The following INSYN2B variants were observed in gnomAD, a reference collection of about 807,000 sequenced individuals.
INSYN2B encodes the protein protein INSYN2B.
INSYN2B carries 16 observed loss-of-function variants against 41.2 expected under a neutral mutation model. The ratio of observed to expected loss-of-function variants is 0.39; its 90% confidence interval spans 0.26 to 0.59. The LOEUF (loss-of-function observed/expected upper bound fraction) is 0.59. INSYN2B is among the 20% of genes least tolerant of loss of function. The probability of loss-of-function intolerance (pLI) is 0.57; values close to 1 mark genes in which losing one functional copy is unlikely to be tolerated. For synonymous variants in INSYN2B, 245 were observed against 244.4 expected, an observed-to-expected ratio of 1.00 and a Z score of -0.02; for missense variants, 608 against 646.4, an observed-to-expected ratio of 0.94 and a Z score of 0.64.
chr5:169,934,439 T>A (rs921239108), intron 1 of INSYN2B, among the ~76,000 whole-genome samples: 1 of 152,274 alleles, frequency 6.6e-6, no homozygotes, highest in Non-Finnish European at 1.5e-5. Context: ...GGGCAGGGTG[T>A]CCCCAGTGCC....
At chr5:169,901,444 C>T (rs533338915) in intron 1 of INSYN2B, among the ~76,000 whole-genome samples, 3 of 151,906 alleles carry the variant, frequency 2.0e-5, no homozygotes, top group South Asian at 2.1e-4. Flanking sequence ...GGCATGCATG[C>T]GTGCATGTGT....
chr5:169,879,252 A>G (rs1772500565), intron 3 of INSYN2B, among the ~76,000 whole-genome samples: 1 of 152,198 alleles, frequency 6.6e-6, no homozygotes. Flanking sequence ...CATCGGGGAG[A>G]GAGATCACGG....
At chr5:169,952,594 A>G (rs1292269421) in intron 1 of INSYN2B, among the ~76,000 whole-genome samples, 1 of 152,152 alleles carries the variant, frequency 6.6e-6, no homozygotes, top group Non-Finnish European at 1.5e-5. Context: ...TACAGGAGTC[A>G]ATACAACTGA....
intron 1 of INSYN2B, among the ~76,000 whole-genome samples, chr5:169,966,777 G>T (rs1487397968): frequency 6.6e-6 from 1 of 152,150 alleles, no homozygotes; most frequent in Admixed American, 6.5e-5. Context: ...GAATGGCCAG[G>T]ACTCCATGAG....
At chr5:169,972,574 TAGATAGATAGATGATAGATA>T (rs1362429443) in intron 1 of INSYN2B, among the ~76,000 whole-genome samples, 23 of 66,240 alleles carry the variant, frequency 3.5e-4, no homozygotes, top group African/African-American at 8.3e-4. Context: ...GATAGATAGA[TAGATAGATAGATGATAGATA>T]GATAGATAGA....
intron 1 of INSYN2B, among the ~76,000 whole-genome samples, chr5:169,916,904 G>A (rs1045809943): frequency 1.3e-5 from 2 of 152,170 alleles, no homozygotes; most frequent in Non-Finnish European, 2.9e-5. Flanking sequence ...GCAAGCAACA[G>A]TCTCTGGAAC....
At position 169,980,446 on chromosome 5, in the gene INSYN2B, A is replaced by T. The variant is rs1333146427; in HGVS notation, c.-1088T>A. The T allele has an allele frequency of 6.6e-6, 1 of 152,158 alleles. No homozygotes were observed. Among genetic ancestry groups the T allele is most frequent in the Non-Finnish European group, 1.5e-5 (1 of 68,036 alleles). 9.4% of individuals were successfully genotyped at this position (152,158 alleles called of 1,614,324 possible). A position where few individuals can be genotyped will look rare whatever the true frequency, so the allele number is the denominator to read the frequency against. On this transcript the variant is annotated 5_prime_UTR_variant, in exon 1 of 4. Transcript: ENST00000377365. Reference sequence around the variant, plus strand: ...AGTGGGTCTGCTCACGTAGGAATAAATAAAAAGCCGAACAAACTGCTCGGC... The same window carrying T: ...AGTGGGTCTGCTCACGTAGGAATAATTAAAAAGCCGAACAAACTGCTCGGC...
intron 1 of INSYN2B, among the ~76,000 whole-genome samples, chr5:169,933,388 A>G (rs1184865927): frequency 6.6e-6 from 1 of 152,228 alleles, no homozygotes; most frequent in Non-Finnish European, 1.5e-5. Flanking sequence ...ATGGGCTGGC[A>G]TCCAAGGTCC....
At chr5:169,916,829 G>A (rs1774898242) in intron 1 of INSYN2B, among the ~76,000 whole-genome samples, 1 of 152,202 alleles carries the variant, frequency 6.6e-6, no homozygotes, top group Non-Finnish European at 1.5e-5. Context: ...GAAAACTGGA[G>A]TGTAGAAATG....
intron 1 of INSYN2B, among the ~76,000 whole-genome samples, chr5:169,891,947 G>T (rs1211850883): frequency 7.0e-6 from 1 of 143,600 alleles, no homozygotes; most frequent in African/African-American, 2.6e-5. Flanking sequence ...AGTGAGCCGA[G>T]ATTGTGCCAT....
intron 1 of INSYN2B, among the ~76,000 whole-genome samples, chr5:169,929,761 A>AG (rs1408263108): frequency 2.5e-4 from 37 of 149,616 alleles, no homozygotes; most frequent in South Asian, 1.7e-3. Context: ...AAAAAAAAAA[A>AG]AGAGAGAGAG....
chr5:169,900,253 G>A (rs1296718383), intron 1 of INSYN2B, among the ~76,000 whole-genome samples: 1 of 152,168 alleles, frequency 6.6e-6, no homozygotes, highest in East Asian at 1.9e-4. Context: ...AACCTGTTGG[G>A]ACCTTTAGAC....
rs1773032807 is a variant in INSYN2B, at chr5:169,887,376, A to T, written c.-918-2560T>A. Among the ~76,000 whole-genome samples, 3 of 152,340 alleles carry T rather than the reference A, an allele frequency of 2.0e-5. No individual in the cohort carries two copies. In the South Asian group the frequency reaches 6.2e-4, roughly 32 times the overall value. The stretch of plus-strand genomic sequence containing the variant: ...CAAATAAACAACAAAAGGAAGAAAA[A>T]AATCACCTGAAATCTTACCACCCAG... On this transcript the variant is annotated intron_variant, in intron 1 of 3. Coordinates refer to ENST00000377365, the MANE Select transcript of INSYN2B (RefSeq NM_001129891.3).
intron 1 of INSYN2B, among the ~76,000 whole-genome samples, chr5:169,973,345 C>T (rs1405930306): frequency 3.3e-5 from 5 of 152,264 alleles, no homozygotes; most frequent in Middle Eastern, 3.4e-3. Flanking sequence ...TACACATCTC[C>T]GGCTGATCAC....
intron 1 of INSYN2B, among the ~76,000 whole-genome samples, chr5:169,937,017 AGAGGCTGGGTATTTGGTGAG>A (rs1776029519): frequency 1.3e-5 from 2 of 152,160 alleles, no homozygotes. Flanking sequence ...ACTGTGGAGG[AGAGGCTGGGTATTTGGTGAG>A]GAGGGAGGGG....
intron 1 of INSYN2B, among the ~76,000 whole-genome samples, chr5:169,917,704 G>A (rs557926745): frequency 5.3e-5 from 8 of 152,290 alleles, no homozygotes; most frequent in African/African-American, 1.9e-4. Context: ...CCTAGGGTAG[G>A]TCCACAGGGA....
At chr5:169,978,618 T>A (rs4867906) in intron 1 of INSYN2B, among the ~76,000 whole-genome samples, 38,270 of 151,956 alleles carry the variant, frequency 0.25, 5,051 homozygotes, top group East Asian at 0.38. Context: ...GGGTTTCTCT[T>A]CTTCTCTCTC....
At position 169,876,070 on chromosome 5, in the gene INSYN2B, G is replaced by A. The variant is rs1184254414; in HGVS notation, c.1421+5298C>T. ...ATCCCTTGCCTTCTCTCACTTTTGG[G>A]GTCTGCCATGCCTCCTGGCTTGTGA... On this transcript the variant is annotated intron_variant, in intron 3 of 3. Coordinates refer to ENST00000377365, the MANE Select transcript of INSYN2B (RefSeq NM_001129891.3). Among the ~76,000 whole-genome samples, 3 of 152,048 alleles carry A rather than the reference G, an allele frequency of 2.0e-5. No individual in the cohort carries two copies. In the East Asian group the frequency reaches 5.8e-4, roughly 29 times the overall value.
At position 169,862,475 on chromosome 5, in the gene INSYN2B, G is replaced by A. The variant is rs1771265992; in HGVS notation, c.*1798C>T. 6.6e-6 allele frequency among the ~76,000 whole-genome samples: 1 copy of A among 152,042 alleles called. No individual in the cohort carries two copies. Among genetic ancestry groups the A allele is most frequent in the African/African-American group, 2.4e-5 (1 of 41,400 alleles). On this transcript the variant is annotated 3_prime_UTR_variant, in exon 4 of 4. Coordinates refer to ENST00000377365, the MANE Select transcript of INSYN2B (RefSeq NM_001129891.3). ...CTATTCTGTTCTTTTCCATTGCTGG[G>A]GCCAACTGACAGTTGATCGTATGGA...
Sources: gnomAD v4.1 joint callset for allele counts (sites outside exome capture counted in the v4.1 genomes callset) on GRCh38, gnomAD v4.1.1 for gene constraint, MANE v1.5 for transcripts, NCBI Gene and HGNC (gene_info 2026-07-23, HGNC 2026-07-21) for gene names.